The following NMNAT3 variants were observed in gnomAD, a reference collection of about 807,000 sequenced individuals.
The protein encoded by NMNAT3 is nicotinamide nucleotide adenylyltransferase 3.
Under a neutral mutation model 24.8 loss-of-function variants are expected in NMNAT3, and 21 were observed. That is an observed-to-expected ratio of 0.85 (90% CI 0.60 to 1.22). The LOEUF is 1.22. NMNAT3 is among the 50% of genes most tolerant of loss of function. The probability of loss-of-function intolerance (pLI) is 0.00; values close to 1 mark genes in which losing one functional copy is unlikely to be tolerated. For synonymous variants in NMNAT3, 136 were observed against 155.2 expected (o/e 0.88, Z 0.92); for missense variants, 387 against 436.6 (o/e 0.89, Z 1.01).
chr3:139,590,075 T>A (rs938102901), intron 3 of NMNAT3, among the ~76,000 whole-genome samples: 1 of 152,160 alleles, frequency 6.6e-6, no homozygotes, highest in Non-Finnish European at 1.5e-5. Context: ...AGCTAGGACC[T>A]GGAGGGCTTC....
intron 3 of NMNAT3, among the ~76,000 whole-genome samples, chr3:139,585,441 G>A (rs749050157): frequency 2.6e-4 from 40 of 152,120 alleles, no homozygotes; most frequent in Non-Finnish European, 5.0e-4. Context: ...TACAATGCCA[G>A]TTTCAAAGTC....
chr3:139,631,846 G>A (rs1257509854), intron 2 of NMNAT3, among the ~76,000 whole-genome samples: 1 of 152,164 alleles, frequency 6.6e-6, no homozygotes, highest in African/African-American at 2.4e-5. Flanking sequence ...CTCTGTACTT[G>A]TTACATATTT....
rs749042058 is a variant in NMNAT3, at chr3:139,561,360, C to T, written c.691G>A (p.Asp231Asn). The stretch of plus-strand genomic sequence containing the variant: ...GGGGTCTGGAAGGTCTTCAAGACGT[C>T]TGCCCCACAGAGAAGCTTCAGCTCA... The change falls in exon 7 of 7, where the codon GAC becomes AAC. Residue 231 changes from aspartate (D) to asparagine (N), a missense_variant. This residue lies in a region of NMNAT3 where 323 missense variants were observed against 345.2 expected (regional missense o/e 0.94). Transcript: ENST00000643695. 3.7e-6 allele frequency: 6 copies of T among 1,614,006 alleles called. No homozygotes were observed. The East Asian group carries it at 1.3e-4, about 36-fold the overall frequency.
rs141634220 is a variant in NMNAT3 at position 139,643,167 on chromosome 3, A to G, written c.-140-5105T>C. Among the ~76,000 whole-genome samples the G allele has an allele frequency of 1.2e-3, 180 of 152,346 alleles. 1 individual carries two copies. The highest frequency in any genetic ancestry group is 3.3e-3 in the Admixed American group (51 of 15,290). ...GAAATAAATTCAAAACCACAATGAG[A>G]AACCACGTCCTGTTAGAATGACTGT... On this transcript the variant is annotated intron_variant, in intron 1 of 6. Coordinates refer to ENST00000643695, the MANE Select transcript of NMNAT3 (RefSeq NM_001320510.2).
At chr3:139,657,836 T>C (rs886362820) in intron 1 of NMNAT3, among the ~76,000 whole-genome samples, 7 of 150,212 alleles carry the variant, frequency 4.7e-5, no homozygotes, top group African/African-American at 1.7e-4. Flanking sequence ...TCATGGTGGG[T>C]GTGGTGTGGT....
chr3:139,660,501 AC>A (rs2057380743), intron 1 of NMNAT3, among the ~76,000 whole-genome samples: 1 of 152,226 alleles, frequency 6.6e-6, no homozygotes, highest in African/African-American at 2.4e-5. Flanking sequence ...AATTCATTTC[AC>A]CAAGAATTCA....
At chr3:139,629,833 C>T (rs1350418552) in intron 2 of NMNAT3, among the ~76,000 whole-genome samples, 13 of 152,124 alleles carry the variant, frequency 8.5e-5, no homozygotes, top group Admixed American at 7.9e-4. Flanking sequence ...AACCAGAAAA[C>T]CCCCCGGCAC....
intron 3 of NMNAT3, among the ~76,000 whole-genome samples, chr3:139,607,851 T>C (rs1268518575): frequency 6.6e-6 from 1 of 152,240 alleles, no homozygotes; most frequent in African/African-American, 2.4e-5. Flanking sequence ...TCTTAAATGA[T>C]TTTGTCCTTT....
chr3:139,650,851 A>C (rs1180354708), intron 1 of NMNAT3, among the ~76,000 whole-genome samples: 2 of 152,208 alleles, frequency 1.3e-5, no homozygotes, highest in Non-Finnish European at 2.9e-5. Flanking sequence ...TGCTGACATC[A>C]TGCCAAGGGA....
chr3:139,587,776 T>A (rs952533701), intron 3 of NMNAT3, among the ~76,000 whole-genome samples: 1 of 152,238 alleles, frequency 6.6e-6, no homozygotes, highest in Non-Finnish European at 1.5e-5. Context: ...CTCCTTCTTT[T>A]TCTCTTCCTG....
At chr3:139,579,161 G>T in intron 4 of NMNAT3, 106 bp from the exon 5 acceptor site, 2 of 881,814 alleles carry the variant, frequency 2.3e-6, no homozygotes, top group Non-Finnish European at 3.5e-6. Context: ...ATCCTGAGTG[G>T]TAGTAGACTC....
chr3:139,597,986 GT>G (rs748774603), intron 3 of NMNAT3, among the ~76,000 whole-genome samples: 2 of 152,316 alleles, frequency 1.3e-5, no homozygotes, highest in South Asian at 2.1e-4. Flanking sequence ...ATAATTTGTA[GT>G]TTTTATGCAG....
intron 3 of NMNAT3, among the ~76,000 whole-genome samples, chr3:139,627,135 T>G (rs1163119114): frequency 1.3e-5 from 2 of 152,206 alleles, no homozygotes; most frequent in Admixed American, 6.5e-5. Context: ...CCATCTGTAT[T>G]GGAAATGCCC....
At chr3:139,613,488 G>A (rs1286614160) in intron 3 of NMNAT3, among the ~76,000 whole-genome samples, 1 of 152,220 alleles carries the variant, frequency 6.6e-6, no homozygotes, top group African/African-American at 2.4e-5. Context: ...GGGAACAACA[G>A]GTGCTGGAGA....
intron 3 of NMNAT3, among the ~76,000 whole-genome samples, chr3:139,604,238 G>T (rs1252176542): frequency 6.6e-6 from 1 of 152,192 alleles, no homozygotes; most frequent in African/African-American, 2.4e-5. Context: ...AACTAGAGGG[G>T]CTTTAAAATC....
intron 2 of NMNAT3, among the ~76,000 whole-genome samples, chr3:139,631,152 C>T (rs2056280137): frequency 6.6e-6 from 1 of 152,110 alleles, no homozygotes; most frequent in Admixed American, 6.5e-5. Context: ...TACTGAGCCA[C>T]ACTGTTCTAG....
At chr3:139,617,906 C>T (rs1293062256) in intron 3 of NMNAT3, among the ~76,000 whole-genome samples, 1 of 152,156 alleles carries the variant, frequency 6.6e-6, no homozygotes, top group Non-Finnish European at 1.5e-5. Flanking sequence ...TAGGTATGTC[C>T]AAAGCTACTG....
chr3:139,611,263 C>A (rs571554610), intron 3 of NMNAT3, among the ~76,000 whole-genome samples: 1 of 152,208 alleles, frequency 6.6e-6, no homozygotes, highest in South Asian at 2.1e-4. Flanking sequence ...GTCATGGCCA[C>A]AGGAATAGGA....
At chr3:139,643,775 T>A (rs1048855423) in intron 1 of NMNAT3, among the ~76,000 whole-genome samples, 2 of 152,236 alleles carry the variant, frequency 1.3e-5, no homozygotes, top group African/African-American at 4.8e-5. Context: ...CTTTTAGTTT[T>A]GCGAGGTAAG....
Sources: gnomAD v4.1 joint callset for allele counts (sites outside exome capture counted in the v4.1 genomes callset) on GRCh38, gnomAD v4.1.1 for gene constraint, gnomAD v4.1.1 regional missense constraint, MANE v1.5 for transcripts, NCBI Gene and HGNC (gene_info 2026-07-23, HGNC 2026-07-21) for gene names.